The following GSTP1 variants were observed in gnomAD, a reference collection of about 807,000 sequenced individuals.
GSTP1 encodes the protein glutathione S-transferase P.
A neutral mutation model predicts 29.4 loss-of-function variants in GSTP1; 28 were observed. The ratio of observed to expected loss-of-function variants is 0.95; its 90% CI spans 0.71 to 1.30. The LOEUF (loss-of-function observed/expected upper bound fraction) is 1.30, where lower values mean the gene tolerates loss of function less well. Among genes scored for constraint, GSTP1 ranks in the 50% most tolerant of loss-of-function variants. The pLI is 0.00. For missense variants in GSTP1, 267 were observed against 266.1 expected (o/e 1.00, Z -0.02); for synonymous variants, 122 against 117.0 (o/e 1.04, Z -0.28).
rs1369118470 is a variant in GSTP1 at position 67,584,447 on chromosome 11, C to T, written c.38-17C>T. ...GTCGGCCCGGTCCCCACATCTCGTA[C>T]TTCTCCCTCCCCGCAGGCCGCTGCG... On this transcript the variant is annotated splice_polypyrimidine_tract_variant and intron_variant, in intron 2 of 6. Transcript: ENST00000398606. 5 of 1,425,300 alleles carry T rather than the reference C, an allele frequency of 3.5e-6. No individual in the cohort carries two copies. In the African/African-American group the frequency reaches 4.3e-5, roughly 12 times the overall value. 88.3% of individuals were successfully genotyped at this position (1,425,300 alleles called of 1,614,324 possible).
chr11:67,586,330 G>A, intron 6 of GSTP1, 59 bp from the exon 7 acceptor site: 1 of 1,560,466 alleles, frequency 6.4e-7, no homozygotes, highest in Non-Finnish European at 8.8e-7. Flanking sequence ...TAGGCCCTCT[G>A]CCCCCAATTC....
rs1011175420 is a variant in GSTP1 at position 67,585,068 on chromosome 11, C to T, written c.233-70C>T. 7 of 992,826 alleles carry T rather than the reference C, an allele frequency of 7.1e-6. No homozygotes were observed. In the East Asian group the frequency reaches 1.4e-4, roughly 21 times the overall value. 61.5% of individuals were successfully genotyped at this position (992,826 alleles called of 1,614,324 possible). On this transcript the variant is annotated intron_variant, in intron 4 of 6. Transcript: ENST00000398606. ...GGCTCACAGACAGCCCCCTGGTTGG[C>T]CCATCCCCAGTGACTGTGTGTTGAT...
Position 67,584,769 on chromosome 11 carries a change from C to G in GSTP1, c.229C>G (p.Leu77Val). Residue 77 changes from leucine (L) to valine (V), a missense_variant, in exon 4 of 7, where the codon CTT (leucine) becomes GTT (valine). Physicochemically the swap from Leu to Val is conservative, Grantham distance 32. Coordinates refer to ENST00000398606, the MANE Select transcript of GSTP1 (RefSeq NM_000852.4). ...NTILRHLGRTLGLYGKDQQEA... is the reference protein window; with the variant it reads ...NTILRHLGRTVGLYGKDQQEA... ...CATCCTGCGTCACCTGGGCCGCACC[C>G]TTGGTGAGTCTTGAACCTCCAAGTC... The G allele has an allele frequency of 6.2e-7, 1 of 1,607,230 alleles. No individual in the cohort carries two copies. Among genetic ancestry groups the G allele is most frequent in the Non-Finnish European group, 8.5e-7 (1 of 1,174,136 alleles).
At chr11:67,583,893 G>A (rs1009909549) in intron 1 of GSTP1, 49 bp downstream of exon 1, 8 of 717,574 alleles carry the variant, frequency 1.1e-5, no homozygotes, top group Middle Eastern at 7.0e-4. Flanking sequence ...AGAGCTCCCA[G>A]CATGGGGCCA....
In GSTP1 at chr11:67,584,690, C is replaced by T. The variant is rs8191448; in HGVS notation, c.150C>T (p.Tyr50=). Residue 50 remains tyrosine, a synonymous_variant, in exon 4 of 7, where the codon TAC becomes TAT. Coordinates refer to ENST00000398606, the MANE Select transcript of GSTP1 (RefSeq NM_000852.4). ...QEGSLKASCL[Y]GQLPKFQDGD... Reference sequence around the variant, plus strand: ...AGCCATGCCTCCCCCAACAGCTATACGGGCAGCTCCCCAAGTTCCAGGACG... The same window carrying T: ...AGCCATGCCTCCCCCAACAGCTATATGGGCAGCTCCCCAAGTTCCAGGACG... 9.0e-3 allele frequency: 14,589 copies of T among 1,613,170 alleles called. 1,168 individuals carry two copies. In the African/African-American group the frequency reaches 0.17, roughly 19 times the overall value.
rs1867441563 is a variant in GSTP1 at position 67,585,010 on chromosome 11, C to T, written c.233-128C>T. 12 of 660,214 alleles carry T rather than the reference C, an allele frequency of 1.8e-5. No individual in the cohort carries two copies. In the South Asian group the frequency reaches 2.1e-4, roughly 12 times the overall value. The allele number at this position is 660,214 out of a possible 1,614,324, so 40.9% of individuals were successfully genotyped here. A position where few individuals can be genotyped will look rare whatever the true frequency, so the allele number is the denominator to read the frequency against. ...GCTGTGTGGCAGTCTCTCATCCTTC[C>T]ACGCACATCCTCTTCCCCTCCTCCC... On this transcript the variant is annotated intron_variant, in intron 4 of 6. Coordinates refer to ENST00000398606, the MANE Select transcript of GSTP1 (RefSeq NM_000852.4).
chr11:67,585,702 C>T (rs1352292066), intron 5 of GSTP1, among the ~76,000 whole-genome samples: 1 of 151,646 alleles, frequency 6.6e-6, no homozygotes, highest in Non-Finnish European at 1.5e-5. Context: ...TGTGTGTGTA[C>T]GCTTGCATTT....
rs548105614 is a variant in GSTP1, at chr11:67,584,012, G to A, written c.2-122G>A. ...TCCCCAGTGCCGTTAGCGGCTTTCA[G>A]GGGGCCCGGAGCGCCTCGGGGAGGG... is the stretch of plus-strand genomic sequence containing the variant. On this transcript the variant is annotated intron_variant, in intron 1 of 6. Coordinates refer to ENST00000398606, the MANE Select transcript of GSTP1 (RefSeq NM_000852.4). 1,121 of 791,390 alleles carry A rather than the reference G, an allele frequency of 1.4e-3. 4 individuals are homozygous for A. The highest frequency in any genetic ancestry group is 7.1e-4 in the Non-Finnish European group (333 of 468,644). 49.0% of individuals were successfully genotyped at this position (791,390 alleles called of 1,614,324 possible). A position where few individuals can be genotyped will look rare whatever the true frequency, so the allele number is the denominator to read the frequency against.
At position 67,584,249 on chromosome 11, in the gene GSTP1, C is replaced by T; in HGVS notation, c.37+80C>T. 3 of 1,145,348 alleles carry T rather than the reference C, an allele frequency of 2.6e-6. No individual in the cohort carries two copies. In the South Asian group the frequency reaches 3.9e-5, roughly 15 times the overall value. The allele number at this position is 1,145,348 out of a possible 1,614,324, so 70.9% of individuals were successfully genotyped here. On this transcript the variant is annotated intron_variant, in intron 2 of 6. Coordinates refer to ENST00000398606, the MANE Select transcript of GSTP1 (RefSeq NM_000852.4). ...AGCCCCTCGCCCACCCGGAGAGATC[C>T]GAACCCCCTTATCCCTCCGTCGTGT...
chr11:67,584,471 C>A lies in GSTP1; in HGVS notation c.45C>A (p.Cys15Ter). Residue 15 changes from cysteine to a stop codon, truncating the protein, a stop_gained, in exon 3 of 7, where the codon TGC becomes TGA. Coordinates refer to ENST00000398606, the MANE Select transcript of GSTP1 (RefSeq NM_000852.4). LOFTEE classifies it high-confidence loss of function. ...TVVYFPVRGR[C>*]AALRMLLADQ... ...ACTTCTCCCTCCCCGCAGGCCGCTGCGCGGCCCTGCGCATGCTGCTGGCAG... is the reference window on the plus strand; with the variant it reads ...ACTTCTCCCTCCCCGCAGGCCGCTGAGCGGCCCTGCGCATGCTGCTGGCAG... 6.6e-7 allele frequency: 1 copy of A among 1,519,438 alleles called. No homozygotes were observed. Among genetic ancestry groups the A allele is most frequent in the East Asian group, 2.5e-5 (1 of 40,766 alleles). 94.1% of individuals were successfully genotyped at this position (1,519,438 alleles called of 1,614,324 possible).
Position 67,584,499 on chromosome 11 carries a change from C to G in GSTP1, c.73C>G (p.Gln25Glu), listed in dbSNP as rs755557033. The change falls in exon 3 of 7, where the codon CAG becomes GAG. Residue 25 changes from glutamine (Q) to glutamate (E), a missense_variant. Physicochemically the swap from Gln to Glu is conservative, Grantham distance 29. Coordinates refer to ENST00000398606, the MANE Select transcript of GSTP1 (RefSeq NM_000852.4). Reference protein sequence around the residue: ...CAALRMLLADQGQSWKEEVVT... With the variant: ...CAALRMLLADEGQSWKEEVVT... ...GGCCCTGCGCATGCTGCTGGCAGATCAGGGCCAGAGCTGGAAGGAGGAGGT... is the reference window on the plus strand; with the variant it reads ...GGCCCTGCGCATGCTGCTGGCAGATGAGGGCCAGAGCTGGAAGGAGGAGGT... 25 of 1,564,160 alleles carry G rather than the reference C, an allele frequency of 1.6e-5. No homozygotes were observed. In the East Asian group the frequency reaches 5.3e-4, roughly 33 times the overall value.
At chr11:67,584,847 C>G (rs1232516146) in intron 4 of GSTP1, 75 bp downstream of exon 4, 1 of 1,112,556 alleles carries the variant, frequency 9.0e-7, no homozygotes, top group Non-Finnish European at 1.4e-6. Context: ...TTTAAATCAG[C>G]TGCCCCGCAG....
chr11:67,586,124 TGTGAAG>T lies in GSTP1; in HGVS notation c.359_364del (p.Val120_Lys121del), dbSNP rs1314194754. 1.2e-6 allele frequency: 2 copies of T among 1,613,704 alleles called. No homozygotes were observed. The highest frequency in any genetic ancestry group is 8.5e-7 in the Non-Finnish European group (1 of 1,179,726). ...GGCAGGAGGCGGGCAAGGATGACTA[TGTGAAG>T]GCACTGCCCGGGCAACTGAAGCCTT... On this transcript the variant is annotated inframe_deletion, in exon 6 of 7. Transcript: ENST00000398606.
Position 67,585,019 on chromosome 11 carries a change from C to T in GSTP1, c.233-119C>T. ...CAGTCTCTCATCCTTCCACGCACAT[C>T]CTCTTCCCCTCCTCCCAGGCTGGGG... is the stretch of plus-strand genomic sequence containing the variant. On this transcript the variant is annotated intron_variant, in intron 4 of 6. Coordinates refer to ENST00000398606, the MANE Select transcript of GSTP1 (RefSeq NM_000852.4). 3.0e-6 allele frequency: 2 copies of T among 676,886 alleles called. 1 individual carries two copies. The highest frequency in any genetic ancestry group is 3.5e-5 in the South Asian group (2 of 57,556). The allele number at this position is 676,886 out of a possible 1,614,324, so 41.9% of individuals were successfully genotyped here.
intron 2 of GSTP1, 147 bp from the exon 3 acceptor site, chr11:67,584,317 C>A: frequency 1.4e-6 from 1 of 728,548 alleles, no homozygotes. Context: ...GCCTCTCCCG[C>A]CATGCCTGCT....
chr11:67,586,519 C>T lies in GSTP1; in HGVS notation c.575C>T (p.Ala192Val), dbSNP rs773696694. Residue 192 changes from alanine to valine, a missense_variant, in exon 7 of 7, where the codon GCC (alanine) becomes GTC (valine). By Grantham distance (64) the Ala-to-Val change is moderately conservative. Coordinates refer to ENST00000398606, the MANE Select transcript of GSTP1 (RefSeq NM_000852.4). ...GRLSARPKLK[A>V]FLASPEYVNL... The stretch of plus-strand genomic sequence containing the variant: ...CTCAGTGCCCGGCCCAAGCTCAAGG[C>T]CTTCCTGGCCTCCCCTGAGTACGTG... 1.9e-6 allele frequency: 3 copies of T among 1,614,048 alleles called. No homozygotes were observed. Among genetic ancestry groups the T allele is most frequent in the Non-Finnish European group, 2.5e-6 (3 of 1,180,012 alleles).
Position 67,586,050 on chromosome 11 carries a change from G to A in GSTP1, c.337-54G>A, listed in dbSNP as rs1008100770. 5 of 1,347,920 alleles carry A rather than the reference G, an allele frequency of 3.7e-6. No homozygotes were observed. The South Asian group carries it at 4.7e-5, about 13-fold the overall frequency. 83.5% of individuals were successfully genotyped at this position (1,347,920 alleles called of 1,614,324 possible). ...TGTCTGGCCTGGGGCAGACGGGGGTGTCTCAGGGGCTGGGAGGGATGAGAG... is the reference window on the plus strand; with the variant it reads ...TGTCTGGCCTGGGGCAGACGGGGGTATCTCAGGGGCTGGGAGGGATGAGAG... On this transcript the variant is annotated intron_variant, in intron 5 of 6. Transcript: ENST00000398606.
intron 4 of GSTP1, 82 bp from the exon 5 acceptor site, chr11:67,585,056 C>G: frequency 1.2e-6 from 1 of 843,924 alleles, no homozygotes; most frequent in Non-Finnish European, 2.0e-6. Context: ...TCACAGACAG[C>G]CCCCTGGTTG....
Position 67,586,104 on chromosome 11 carries a change from G to T in GSTP1, c.337G>T (p.Glu113Ter). ...GATGATACATGGTGGTGTCTGGCAGGAGGCGGGCAAGGATGACTATGTGAA... is the reference window on the plus strand; with the variant it reads ...GATGATACATGGTGGTGTCTGGCAGTAGGCGGGCAAGGATGACTATGTGAA... ...KYISLIYTNY[E>*]AGKDDYVKAL... Residue 113 changes from glutamate to a stop codon, truncating the protein, a stop_gained and splice_region_variant, in exon 6 of 7, where the codon GAG becomes TAG. Coordinates refer to ENST00000398606, the MANE Select transcript of GSTP1 (RefSeq NM_000852.4). LOFTEE classifies it high-confidence loss of function. 6.2e-7 allele frequency: 1 copy of T among 1,610,812 alleles called. No individual in the cohort carries two copies. The highest frequency in any genetic ancestry group is 8.5e-7 in the Non-Finnish European group (1 of 1,177,168).
Sources: allele counts gnomAD v4.1 joint callset (sites outside exome capture counted in the v4.1 genomes callset), GRCh38; gene constraint gnomAD v4.1.1; transcripts MANE v1.5; gene names NCBI Gene and HGNC (gene_info 2026-07-23, HGNC 2026-07-21).